WNK3: variants seen among roughly 807,000 people sequenced by gnomAD.
The protein encoded by WNK3 is WNK lysine deficient protein kinase 3.
A neutral mutation model predicts 116.7 loss-of-function variants in WNK3; 18 were observed. That is an observed-to-expected ratio of 0.15 (90% CI 0.11 to 0.23). The LOEUF (loss-of-function observed/expected upper bound fraction) is 0.23, where lower values mean the gene tolerates loss of function less well. Among genes scored for constraint, WNK3 ranks in the 10% least tolerant of loss-of-function variants. The probability of loss-of-function intolerance (pLI) is 1.00; values close to 1 mark genes in which losing one functional copy is unlikely to be tolerated. For synonymous variants in WNK3, 404 were observed against 469.4 expected (o/e 0.86, Z 1.80); for missense variants, 993 against 1,323.8 (o/e 0.75, Z 3.88).
At position 54,237,502 on chromosome X, in the gene WNK3, A is replaced by G. The variant is rs782305717; in HGVS notation, c.4064T>C (p.Ile1355Thr). Residue 1355 changes from isoleucine to threonine, a missense_variant, in exon 20 of 24, where the codon ATA becomes ACA. Ile to Thr is a moderately conservative substitution (Grantham distance 89). Coordinates refer to ENST00000354646, the Ensembl canonical transcript of WNK3. The stretch of plus-strand genomic sequence containing the variant: ...CTCACTGAACACTGATATGTGTTCT[A>G]TTCCAAAAGATGTCATTTTTGCTGA... 13 of 1,173,424 alleles carry G rather than the reference A, an allele frequency of 1.1e-5. No homozygotes were observed. In the Admixed American group the frequency reaches 1.6e-4, roughly 15 times the overall value.
chrX:54,350,719 C>T (rs1434250633), intron 1 of WNK3, among the ~76,000 whole-genome samples: 11 of 111,034 alleles, frequency 9.9e-5, no homozygotes, highest in Non-Finnish European at 2.1e-4. Flanking sequence ...TGCATGTGAA[C>T]AAATATGTAG....
rs1319733593 is a variant in WNK3 at position 54,293,435 on chromosome X, C to T, written c.1694-108G>A. On this transcript the variant is annotated intron_variant, in intron 8 of 23. Coordinates refer to ENST00000354646, the Ensembl canonical transcript of WNK3. ...TTTAATGGCTTTTTTACTCTGAGAA[C>T]CTGACATAGCTTCAAATAAAATATT... 3 of 513,142 alleles carry T rather than the reference C, an allele frequency of 5.8e-6. No individual in the cohort carries two copies. The East Asian group carries it at 1.1e-4, about 19-fold the overall frequency. 42.3% of individuals were successfully genotyped at this position (513,142 alleles called of 1,213,427 possible).
intron 20 of WNK3, among the ~76,000 whole-genome samples, chrX:54,235,523 G>A (rs1162905310): frequency 1.8e-5 from 2 of 111,213 alleles, no homozygotes; most frequent in African/African-American, 3.3e-5. Context: ...CTGACCTCAG[G>A]TGATCCACCC....
At chrX:54,211,928 A>G (rs1281609960) in intron 22 of WNK3, among the ~76,000 whole-genome samples, 1 of 111,455 alleles carries the variant, frequency 9.0e-6, no homozygotes, top group African/African-American at 3.3e-5. Flanking sequence ...AGAACTCAAA[A>G]AAAAAAGAAA....
chrX:54,354,810 T>C (rs2069570613), intron 1 of WNK3, among the ~76,000 whole-genome samples: 1 of 112,022 alleles, frequency 8.9e-6, no homozygotes, highest in Non-Finnish European at 1.9e-5. Flanking sequence ...AGAAATCTGA[T>C]AGCGGGCCCA....
chrX:54,299,635 AG>A lies in WNK3; in HGVS notation c.1179-1242del, dbSNP rs1321896969. Among the ~76,000 whole-genome samples the A allele has an allele frequency of 2.8e-5, 3 of 108,580 alleles. No homozygotes were observed. The Admixed American group carries it at 3.0e-4, about 11-fold the overall frequency. 94.3% of individuals were successfully genotyped at this position (108,580 alleles called of 115,157 possible). A position where few individuals can be genotyped will look rare whatever the true frequency, so the allele number is the denominator to read the frequency against. On this transcript the variant is annotated intron_variant, in intron 6 of 23. Transcript: ENST00000354646. ...GAAACGGGGTTTCACCATGTTGGCC[AG>A]GATGGTCTCAATCTCTTGATTTTGT...
At chrX:54,321,883 C>T (rs1383626890) in intron 2 of WNK3, among the ~76,000 whole-genome samples, 1 of 107,699 alleles carries the variant, frequency 9.3e-6, no homozygotes, top group Admixed American at 1.0e-4. Flanking sequence ...TCGCTTGACC[C>T]GGGAGGCAGA....
chrX:54,312,366 T>G (rs2068896918), intron 2 of WNK3, among the ~76,000 whole-genome samples: 2 of 111,492 alleles, frequency 1.8e-5, no homozygotes, highest in African/African-American at 6.5e-5. Flanking sequence ...AGAAAAATTT[T>G]GTTATCAAAG....
chrX:54,294,786 C>A, exon 8 of WNK3: 1 of 1,210,194 alleles, frequency 8.3e-7, no homozygotes, highest in Non-Finnish European at 1.1e-6. Context: ...TGGCGTCACC[C>A]GGTCTCTAAT....
intron 1 of WNK3, among the ~76,000 whole-genome samples, chrX:54,339,510 A>G (rs2069290430): frequency 8.9e-6 from 1 of 111,939 alleles, no homozygotes; most frequent in South Asian, 3.7e-4. Context: ...AAAAATGAAT[A>G]AATTAGAAAT....
chrX:54,270,277 G>C (rs181601624), intron 10 of WNK3, among the ~76,000 whole-genome samples: 100 of 109,096 alleles, frequency 9.2e-4, no homozygotes, highest in African/African-American at 3.0e-3. Flanking sequence ...AGCTAATTTT[G>C]TATTTTTAGT....
intron 10 of WNK3, 134 bp downstream of exon 10, chrX:54,292,754 T>A (rs1237826312): frequency 2.0e-4 from 77 of 386,421 alleles, no homozygotes; most frequent in African/African-American, 2.9e-4. Flanking sequence ...AAGGAAAGCA[T>A]AAACAACTTT....
At chrX:54,254,590 A>G (rs1474337049) in intron 12 of WNK3, among the ~76,000 whole-genome samples, 1 of 111,629 alleles carries the variant, frequency 9.0e-6, no homozygotes, top group Admixed American at 9.6e-5. Flanking sequence ...AGATACAAAG[A>G]TTTATGTTCA....
At chrX:54,317,316 T>C (rs782320956) in intron 2 of WNK3, among the ~76,000 whole-genome samples, 1 of 110,335 alleles carries the variant, frequency 9.1e-6, no homozygotes, top group South Asian at 3.9e-4. Context: ...CATGCCACCA[T>C]GCCCAGCTAA....
intron 10 of WNK3, among the ~76,000 whole-genome samples, chrX:54,275,413 ATATGTGTGTG>A (rs1410687543): frequency 1.5e-4 from 9 of 58,360 alleles, no homozygotes; most frequent in African/African-American, 3.7e-4. Context: ...GTATAAGTTC[ATATGTGTGTG>A]TGTGTGTGTG....
chrX:54,292,374 C>T, intron 10 of WNK3, among the ~76,000 whole-genome samples: 1 of 111,089 alleles, frequency 9.0e-6, no homozygotes, highest in East Asian at 2.8e-4. Flanking sequence ...CAAGCAGTAT[C>T]TCAAGATTCT....
chrX:54,311,379 A>G (rs1449070929), intron 2 of WNK3, 88 bp from the exon 3 acceptor site: 16 of 658,271 alleles, frequency 2.4e-5, no homozygotes, highest in Non-Finnish European at 3.8e-5. Flanking sequence ...TTTATTGCAT[A>G]TATGCATGGA....
chrX:54,321,852 C>T (rs2069039250), intron 2 of WNK3, among the ~76,000 whole-genome samples: 1 of 108,599 alleles, frequency 9.2e-6, no homozygotes, highest in African/African-American at 3.3e-5. Flanking sequence ...CCCAGCTACT[C>T]GAGAGGCTGA....
chrX:54,292,319 C>A (rs782211827), intron 10 of WNK3, among the ~76,000 whole-genome samples: 95 of 111,461 alleles, frequency 8.5e-4, no homozygotes, highest in African/African-American at 3.0e-3. Flanking sequence ...CTAAATAAAT[C>A]TTTTGTCCAT....
Sources: allele counts gnomAD v4.1 joint callset (sites outside exome capture counted in the v4.1 genomes callset), GRCh38; gene constraint gnomAD v4.1.1; transcripts MANE v1.5; gene names NCBI Gene and HGNC (gene_info 2026-07-23, HGNC 2026-07-21).